The following CKMT2 variants were observed in gnomAD, a reference collection of about 807,000 sequenced individuals.
CKMT2 encodes the protein creatine kinase S-type, mitochondrial.
A neutral mutation model predicts 48.9 loss-of-function variants in CKMT2; 43 were observed. That is an observed-to-expected ratio of 0.88 (90% confidence interval 0.69 to 1.13). The LOEUF is 1.13. Among genes scored for constraint, CKMT2 ranks in the 50% most tolerant of loss-of-function variants. The pLI is 0.00. For missense variants in CKMT2, 472 were observed against 555.4 expected (o/e 0.85, Z 1.51); for synonymous variants, 206 against 213.0 (o/e 0.97, Z 0.29).
chr5:81,254,910 A>G (rs1305400717), intron 4 of CKMT2, 83 bp from the exon 5 acceptor site: 4 of 1,127,484 alleles, frequency 3.5e-6, no homozygotes, highest in Non-Finnish European at 5.4e-6. Flanking sequence ...GGGAAACTGC[A>G]GATTGGCGAT....
At chr5:81,249,522 A>G (rs10041063) in intron 1 of CKMT2, among the ~76,000 whole-genome samples, 27,025 of 152,214 alleles carry the variant, frequency 0.18, 2,730 homozygotes, top group Admixed American at 0.27. Context: ...CTAAATCTCT[A>G]GGCAGTAGCA....
chr5:81,235,518 G>C (rs1756218258), intron 1 of CKMT2, among the ~76,000 whole-genome samples: 1 of 152,180 alleles, frequency 6.6e-6, no homozygotes, highest in South Asian at 2.1e-4. Context: ...TGGACGCTGT[G>C]AATGGCTGGA....
intron 1 of CKMT2, chr5:81,235,823 CTCTG>C: frequency 6.6e-6 from 1 of 152,222 alleles, no homozygotes; most frequent in East Asian, 1.9e-4. Context: ...TTGCTTTTGG[CTCTG>C]TCTGGCTGTG....
At chr5:81,234,078 G>A (rs935300546) in intron 1 of CKMT2, among the ~76,000 whole-genome samples, 41 of 141,064 alleles carry the variant, frequency 2.9e-4, no homozygotes, top group Admixed American at 8.0e-4. Context: ...GTTTCACCTG[G>A]GCAGAGGCCT....
At chr5:81,248,240 G>A (rs1284166875) in intron 1 of CKMT2, among the ~76,000 whole-genome samples, 1 of 152,190 alleles carries the variant, frequency 6.6e-6, no homozygotes, top group Non-Finnish European at 1.5e-5. Context: ...GGACATTTGG[G>A]TCATCCCTGG....
intron 1 of CKMT2, chr5:81,238,324 A>G (rs1756317173): frequency 6.6e-6 from 1 of 152,112 alleles, no homozygotes; most frequent in African/African-American, 2.4e-5. Context: ...ACAGAGCGAG[A>G]CTGTCTCAAA....
At chr5:81,244,041 G>C (rs535977564) in intron 1 of CKMT2, 1 of 985,242 alleles carries the variant, frequency 1.0e-6, no homozygotes, top group African/African-American at 1.7e-5. Flanking sequence ...CCCAAAAATA[G>C]ATCAAAGGAA....
intron 9 of CKMT2, 45 bp from the exon 10 acceptor site, chr5:81,266,094 G>A (rs1232667673): frequency 6.3e-7 from 1 of 1,596,152 alleles, no homozygotes; most frequent in South Asian, 1.1e-5. Context: ...ATGCCCTGCA[G>A]ATGCTTCTAT....
Position 81,256,985 on chromosome 5 carries a change from A to T in CKMT2, c.740A>T (p.Asp247Val). 6.2e-7 allele frequency: 1 copy of T among 1,613,654 alleles called. No homozygotes were observed. Among genetic ancestry groups the T allele is most frequent in the East Asian group, 2.2e-5 (1 of 44,880 alleles). The change falls in exon 6 of 10, where the codon GAT becomes GTT. Residue 247 changes from aspartate to valine, a missense_variant. Asp to Val is a radical substitution (Grantham distance 152). Transcript: ENST00000254035. ...TCAGMARDWP[D>V]ARGIWHNYDK... is the part of the protein sequence containing the mutation. ...GCTGGGATGGCCCGTGACTGGCCAG[A>T]TGCCAGGGGAATCTGGTATGGATGC...
In CKMT2 at chr5:81,242,459, G is replaced by T. The variant is rs529745844; in HGVS notation, c.-20-8654G>T. The T allele has an allele frequency of 3.1e-4, 156 of 510,116 alleles. 2 individuals carry two copies. Among genetic ancestry groups the T allele is most frequent in the South Asian group, 2.3e-3 (149 of 64,444 alleles). The allele number at this position is 510,116 out of a possible 1,614,324, so 31.6% of individuals were successfully genotyped here. On this transcript the variant is annotated intron_variant, in intron 1 of 9. Transcript: ENST00000254035. ...TCCCCTCTCTGTCAATTTTACAGAGGTCGCCTACTCATTCCCCTAGTTTCT... is the reference window on the plus strand; with the variant it reads ...TCCCCTCTCTGTCAATTTTACAGAGTTCGCCTACTCATTCCCCTAGTTTCT...
At chr5:81,256,253 A>G (rs1449611774) in intron 5 of CKMT2, among the ~76,000 whole-genome samples, 1 of 152,350 alleles carries the variant, frequency 6.6e-6, no homozygotes, top group South Asian at 2.1e-4. Context: ...TGGGAGTCAC[A>G]GAAGTCTACA....
At chr5:81,263,940 A>G (rs1434685272) in intron 9 of CKMT2, among the ~76,000 whole-genome samples, 1 of 152,176 alleles carries the variant, frequency 6.6e-6, no homozygotes, top group Non-Finnish European at 1.5e-5. Context: ...CAGTTTTTTT[A>G]TTACTGTAAA....
intron 8 of CKMT2, among the ~76,000 whole-genome samples, chr5:81,261,461 TCTC>T (rs1757221457): frequency 6.6e-6 from 1 of 152,186 alleles, no homozygotes; most frequent in Non-Finnish European, 1.5e-5. Flanking sequence ...AACCCCATCA[TCTC>T]AGCCCAAAAT....
At chr5:81,257,633 G>A in intron 6 of CKMT2, 100 bp from the exon 7 acceptor site, 1 of 998,504 alleles carries the variant, frequency 1.0e-6, no homozygotes, top group Non-Finnish European at 1.5e-6. Flanking sequence ...AGGAAATGAG[G>A]AAGGTGAAAT....
intron 1 of CKMT2, among the ~76,000 whole-genome samples, chr5:81,249,588 T>C (rs1025098464): frequency 1.3e-5 from 2 of 152,368 alleles, no homozygotes; most frequent in African/African-American, 2.4e-5. Flanking sequence ...CGTTTGTTGG[T>C]AGTTCAGTAC....
intron 1 of CKMT2, among the ~76,000 whole-genome samples, chr5:81,250,066 C>T (rs1756752275): frequency 6.6e-6 from 1 of 152,290 alleles, no homozygotes; most frequent in South Asian, 2.1e-4. Context: ...TGTTTATTCT[C>T]TCTTTCTGGG....
intron 1 of CKMT2, among the ~76,000 whole-genome samples, chr5:81,247,400 C>T (rs550184225): frequency 6.6e-6 from 1 of 152,310 alleles, no homozygotes. Context: ...TTACTTATGC[C>T]ACATGTTATC....
chr5:81,241,224 G>T (rs537645003), intron 1 of CKMT2, among the ~76,000 whole-genome samples: 22 of 152,294 alleles, frequency 1.4e-4, no homozygotes, highest in African/African-American at 5.3e-4. Context: ...CTTCCAGCAC[G>T]TGGAGGGAGG....
intron 5 of CKMT2, 88 bp downstream of exon 5, chr5:81,255,302 C>A: frequency 8.3e-7 from 1 of 1,206,316 alleles, no homozygotes; most frequent in Non-Finnish European, 1.2e-6. Flanking sequence ...TCTGCTCAGT[C>A]CTTACCCTAG....
Sources: allele counts gnomAD v4.1 joint callset (sites outside exome capture counted in the v4.1 genomes callset), GRCh38; gene constraint gnomAD v4.1.1; transcripts MANE v1.5; gene names NCBI Gene and HGNC (gene_info 2026-07-23, HGNC 2026-07-21).